SUGCT: variants seen among roughly 807,000 people sequenced by gnomAD.
The protein encoded by SUGCT is succinyl-CoA:glutarate CoA-transferase.
In SUGCT, 41 loss-of-function variants were observed where a neutral mutation model predicts 55.0. The observed-to-expected ratio is 0.74, with a 90% CI of 0.58 to 0.97. The LOEUF is 0.97. Among genes scored for constraint, SUGCT ranks in the 50% least tolerant of loss-of-function variants. The pLI, the probability that SUGCT is intolerant of heterozygous loss-of-function variation, is 0.00. For missense variants in SUGCT, 568 were observed against 547.8 expected (o/e 1.04, Z -0.37); for synonymous variants, 187 against 200.4 (o/e 0.93, Z 0.56).
At chr7:40,717,768 T>G (rs1786100170) in intron 12 of SUGCT, among the ~76,000 whole-genome samples, 1 of 152,212 alleles carries the variant, frequency 6.6e-6, no homozygotes, top group East Asian at 1.9e-4. Context: ...TGGGAAGATC[T>G]TCACTGCATC....
the SUGCT span, among the ~76,000 whole-genome samples, chr7:40,985,677 A>G: frequency 6.6e-6 from 1 of 152,192 alleles, no homozygotes; most frequent in South Asian, 2.1e-4. Flanking sequence ...AAAATAGACC[A>G]CCATAGTATG....
intron 9 of SUGCT, among the ~76,000 whole-genome samples, chr7:40,383,758 T>G (rs1784983595): frequency 6.6e-6 from 1 of 152,192 alleles, no homozygotes; most frequent in African/African-American, 2.4e-5. Flanking sequence ...ATGAAAGGCA[T>G]TTGGTATAGA....
rs1005382202 is a variant in SUGCT at position 40,419,146 on chromosome 7, T to C, written c.817-30141T>C. Among the ~76,000 whole-genome samples the C allele has an allele frequency of 3.3e-5, 5 of 152,330 alleles. No individual in the cohort carries two copies. The South Asian group carries it at 8.3e-4, about 25-fold the overall frequency. On this transcript the variant is annotated intron_variant, in intron 9 of 13. Coordinates refer to ENST00000335693, the MANE Select transcript of SUGCT (RefSeq NM_001193313.2). ...CATTTATGGGGCGGTGAATTCCTGT[T>C]GCATGGAACAAAAGGCAAAGTTCAT...
chr7:40,548,700 G>T (rs1795143523), intron 12 of SUGCT, among the ~76,000 whole-genome samples: 1 of 151,770 alleles, frequency 6.6e-6, no homozygotes, highest in African/African-American at 2.4e-5. Context: ...AAACTCCATT[G>T]TTTACATTAG....
At chr7:40,541,992 A>G (rs1281580316) in intron 12 of SUGCT, among the ~76,000 whole-genome samples, 1 of 152,186 alleles carries the variant, frequency 6.6e-6, no homozygotes, top group Non-Finnish European at 1.5e-5. Flanking sequence ...AGTGGAATAT[A>G]TGAAGAAAGC....
At chr7:40,826,924 G>A (rs2128772540) in intron 13 of SUGCT, among the ~76,000 whole-genome samples, 2 of 152,242 alleles carry the variant, frequency 1.3e-5, no homozygotes, top group South Asian at 4.1e-4. Context: ...TGAGAACTTG[G>A]CCAAGAAAAT....
the SUGCT span, among the ~76,000 whole-genome samples, chr7:40,895,038 T>C: frequency 2.6e-5 from 4 of 152,074 alleles, no homozygotes; most frequent in Non-Finnish European, 5.9e-5. Flanking sequence ...CTATTCACAA[T>C]AGAAAAGACA....
At chr7:40,641,110 G>C (rs1468510432) in intron 12 of SUGCT, among the ~76,000 whole-genome samples, 1 of 152,164 alleles carries the variant, frequency 6.6e-6, no homozygotes, top group Non-Finnish European at 1.5e-5. Flanking sequence ...GGCAGAGTCT[G>C]AGGACCTTGT....
chr7:40,623,959 A>G (rs1004390452), intron 12 of SUGCT, among the ~76,000 whole-genome samples: 4 of 152,114 alleles, frequency 2.6e-5, no homozygotes, highest in Non-Finnish European at 5.9e-5. Context: ...ATTTCTGTTA[A>G]TGTTAATTAA....
At chr7:40,913,015 T>C in the SUGCT span, among the ~76,000 whole-genome samples, 1 of 148,664 alleles carries the variant, frequency 6.7e-6, no homozygotes, top group East Asian at 2.0e-4. Context: ...CCAATTTTTT[T>C]TTTTTTTTTT....
chr7:40,576,526 T>C (rs1796773180), intron 12 of SUGCT, among the ~76,000 whole-genome samples: 1 of 152,186 alleles, frequency 6.6e-6, no homozygotes, highest in Admixed American at 6.5e-5. Flanking sequence ...GACCTAAGTG[T>C]TACTGCAGAC....
At chr7:40,827,246 G>T (rs892200443) in intron 13 of SUGCT, among the ~76,000 whole-genome samples, 2 of 152,112 alleles carry the variant, frequency 1.3e-5, no homozygotes, top group Non-Finnish European at 2.9e-5. Flanking sequence ...TAGTGCAAAT[G>T]GCAAAGGATC....
intron 13 of SUGCT, among the ~76,000 whole-genome samples, chr7:40,852,465 C>T (rs998206006): frequency 2.6e-5 from 4 of 152,090 alleles, no homozygotes; most frequent in African/African-American, 9.7e-5. Context: ...TTTCTTAAAG[C>T]TCCAGTAGCT....
At chr7:40,287,385 A>G (rs1793420091) in intron 8 of SUGCT, among the ~76,000 whole-genome samples, 2 of 152,240 alleles carry the variant, frequency 1.3e-5, no homozygotes, top group Admixed American at 1.3e-4. Flanking sequence ...ATCCAGTACA[A>G]TGTTGAATGG....
chr7:40,701,646 A>G (rs1486138110), intron 12 of SUGCT, among the ~76,000 whole-genome samples: 2 of 152,230 alleles, frequency 1.3e-5, no homozygotes, highest in Non-Finnish European at 2.9e-5. Context: ...TAGAAGGTGA[A>G]TTTCCAATTC....
intron 6 of SUGCT, among the ~76,000 whole-genome samples, chr7:40,212,150 T>C (rs1467815080): frequency 6.6e-6 from 1 of 151,754 alleles, no homozygotes; most frequent in East Asian, 1.9e-4. Context: ...AGTGGCATGA[T>C]CGCGGCTCAC....
chr7:41,033,493 C>A, the SUGCT span, among the ~76,000 whole-genome samples: 1 of 152,100 alleles, frequency 6.6e-6, no homozygotes, highest in Non-Finnish European at 1.5e-5. Context: ...CAGCTGAGAC[C>A]AACTCTTAGA....
chr7:40,509,084 AT>A (rs1458824356), intron 12 of SUGCT, among the ~76,000 whole-genome samples: 1 of 152,128 alleles, frequency 6.6e-6, no homozygotes, highest in African/African-American at 2.4e-5. Context: ...CTTTGTTAAA[AT>A]TTATGTTTCT....
chr7:41,018,224 G>A, the SUGCT span, among the ~76,000 whole-genome samples: 1 of 152,084 alleles, frequency 6.6e-6, no homozygotes, highest in African/African-American at 2.4e-5. Context: ...CAAGTCATAG[G>A]AAATGCAATC....
Sources: gnomAD v4.1 joint callset for allele counts (sites outside exome capture counted in the v4.1 genomes callset) on GRCh38, gnomAD v4.1.1 for gene constraint, MANE v1.5 for transcripts, NCBI Gene and HGNC (gene_info 2026-07-23, HGNC 2026-07-21) for gene names.